CDH18: variants seen among roughly 807,000 people sequenced by gnomAD.
The protein encoded by CDH18 is cadherin 18.
CDH18 carries 31 observed loss-of-function variants against 67.9 expected under a neutral mutation model. That is an observed-to-expected ratio of 0.46 (90% CI 0.34 to 0.62). The LOEUF is 0.62. Ranked by LOEUF, CDH18 falls within the 20% of genes least tolerant of loss-of-function variation. The pLI is 0.01. For synonymous variants in CDH18, 362 were observed against 347.2 expected (o/e 1.04, Z -0.48); for missense variants, 890 against 975.5 (o/e 0.91, Z 1.17).
chr5:19,744,846 ATG>A (rs1165740214), intron 4 of CDH18, among the ~76,000 whole-genome samples: 1 of 152,162 alleles, frequency 6.6e-6, no homozygotes, highest in Non-Finnish European at 1.5e-5. Context: ...AAAAATCTGA[ATG>A]TTTTTAAATT....
chr5:19,851,864 C>T (rs191990389), intron 2 of CDH18, among the ~76,000 whole-genome samples: 2 of 151,676 alleles, frequency 1.3e-5, no homozygotes, highest in Non-Finnish European at 2.9e-5. Context: ...TGTTTAAACT[C>T]CAGAGAAAGC....
At chr5:19,543,615 C>T (rs778974635) in intron 9 of CDH18, among the ~76,000 whole-genome samples, 1 of 151,904 alleles carries the variant, frequency 6.6e-6, no homozygotes, top group Non-Finnish European at 1.5e-5. Flanking sequence ...AACCAAATGC[C>T]CTTGACTCAA....
chr5:20,058,052 C>A (rs1241645450), intron 2 of CDH18, among the ~76,000 whole-genome samples: 2 of 152,114 alleles, frequency 1.3e-5, no homozygotes, highest in Admixed American at 6.5e-5. Flanking sequence ...TTTAACAAAA[C>A]CTTACCTTAA....
chr5:20,458,014 G>A (rs1357850148), intron 1 of CDH18, among the ~76,000 whole-genome samples: 1 of 152,146 alleles, frequency 6.6e-6, no homozygotes, highest in Non-Finnish European at 1.5e-5. Flanking sequence ...AGAATAAAGA[G>A]GACATGTGGA....
chr5:19,691,753 C>T (rs577085297), intron 5 of CDH18, among the ~76,000 whole-genome samples: 1 of 151,824 alleles, frequency 6.6e-6, no homozygotes, highest in South Asian at 2.1e-4. Flanking sequence ...AATGACATCC[C>T]ACGCTCTTGG....
At chr5:20,001,379 G>T (rs953195376) in intron 2 of CDH18, among the ~76,000 whole-genome samples, 1 of 151,984 alleles carries the variant, frequency 6.6e-6, no homozygotes, top group African/African-American at 2.4e-5. Context: ...GGAAGAGTAG[G>T]TGTTATATAA....
At chr5:20,319,897 T>G (rs1737840032) in intron 1 of CDH18, among the ~76,000 whole-genome samples, 1 of 152,236 alleles carries the variant, frequency 6.6e-6, no homozygotes, top group Admixed American at 6.5e-5. Flanking sequence ...AATCAAGTTA[T>G]GTAATTCTAC....
chr5:19,679,122 T>C (rs953470811), intron 5 of CDH18, among the ~76,000 whole-genome samples: 5 of 152,076 alleles, frequency 3.3e-5, no homozygotes, highest in African/African-American at 1.2e-4. Flanking sequence ...GCTTTACCTC[T>C]GGAATGCAAA....
chr5:19,900,931 G>A (rs1390790729), intron 2 of CDH18, among the ~76,000 whole-genome samples: 1 of 152,004 alleles, frequency 6.6e-6, no homozygotes, highest in African/African-American at 2.4e-5. Context: ...GTGTCTAAGT[G>A]GAAAAAATTA....
intron 1 of CDH18, among the ~76,000 whole-genome samples, chr5:20,515,826 G>A (rs959151113): frequency 4.6e-5 from 7 of 151,976 alleles, no homozygotes; most frequent in African/African-American, 1.7e-4. Flanking sequence ...GTTGGTGCTG[G>A]CAGATGTCTT....
At chr5:20,325,035 T>C (rs1423074129) in intron 1 of CDH18, among the ~76,000 whole-genome samples, 2 of 152,226 alleles carry the variant, frequency 1.3e-5, no homozygotes, top group African/African-American at 4.8e-5. Flanking sequence ...AAGCTTGCTT[T>C]ATCTATCATT....
intron 2 of CDH18, among the ~76,000 whole-genome samples, chr5:20,149,798 CT>C (rs1216289236): frequency 1.3e-5 from 2 of 152,034 alleles, no homozygotes; most frequent in African/African-American, 4.8e-5. Context: ...CTCATAATTT[CT>C]TTGTCATCTA....
chr5:20,014,888 C>T (rs546627039), intron 2 of CDH18, among the ~76,000 whole-genome samples: 1 of 152,044 alleles, frequency 6.6e-6, no homozygotes. Flanking sequence ...AGAGTAGATA[C>T]TTGTCTAAAT....
At chr5:20,565,272 A>G (rs1482535461) in intron 1 of CDH18, among the ~76,000 whole-genome samples, 2 of 126,044 alleles carry the variant, frequency 1.6e-5, no homozygotes, top group African/African-American at 6.9e-5. Flanking sequence ...GTTTCTGATC[A>G]TAGACCTAAA....
intron 2 of CDH18, among the ~76,000 whole-genome samples, chr5:19,965,002 C>T (rs151322055): frequency 6.6e-6 from 1 of 152,192 alleles, no homozygotes; most frequent in Admixed American, 6.5e-5. Context: ...TCAAAATCCA[C>T]ACATATGCAA....
At position 19,472,457 on chromosome 5, in the gene CDH18, A is replaced by G. The variant is rs1353862954; in HGVS notation, c.*769T>C. Among the ~76,000 whole-genome samples the G allele has an allele frequency of 2.0e-5, 3 of 152,168 alleles. No homozygotes were observed. Among genetic ancestry groups the G allele is most frequent in the African/African-American group, 7.2e-5 (3 of 41,452 alleles). On this transcript the variant is annotated 3_prime_UTR_variant, in exon 13 of 13. Coordinates refer to ENST00000382275, the MANE Select transcript of CDH18 (RefSeq NM_004934.5). ...TTATTCCCTGACATATCAGATTTTC[A>G]TAACATACCTTAAACTATTCTTTCT...
intron 1 of CDH18, among the ~76,000 whole-genome samples, chr5:20,423,939 T>C (rs142340666): frequency 1.4e-5 from 1 of 69,168 alleles, no homozygotes; most frequent in South Asian, 4.9e-4. Flanking sequence ...TGAGCGAGAC[T>C]CCGTCTCAAA....
intron 3 of CDH18, among the ~76,000 whole-genome samples, chr5:19,751,462 C>A (rs1324127523): frequency 6.6e-6 from 1 of 152,044 alleles, no homozygotes; most frequent in Non-Finnish European, 1.5e-5. Flanking sequence ...ATAGTAATTC[C>A]ACTATGATTG....
intron 9 of CDH18, among the ~76,000 whole-genome samples, chr5:19,531,704 G>T (rs930602801): frequency 1.3e-5 from 2 of 151,936 alleles, no homozygotes; most frequent in Non-Finnish European, 2.9e-5. Flanking sequence ...GGCTGGCGTG[G>T]GTGGATCAGC....
Sources: gnomAD v4.1 joint callset for allele counts (sites outside exome capture counted in the v4.1 genomes callset) on GRCh38, gnomAD v4.1.1 for gene constraint, MANE v1.5 for transcripts, NCBI Gene and HGNC (gene_info 2026-07-23, HGNC 2026-07-21) for gene names.